The following SNRNP40 variants were observed in gnomAD, a reference collection of about 807,000 sequenced individuals.
SNRNP40 encodes the protein U5 small nuclear ribonucleoprotein 40 kDa protein.
A neutral mutation model predicts 45.8 loss-of-function variants in SNRNP40; 21 were observed. The ratio of observed to expected loss-of-function variants is 0.46; its 90% CI spans 0.32 to 0.66. SNRNP40 has a LOEUF of 0.66. SNRNP40 is among the 30% of genes least tolerant of loss of function. The pLI is 0.03. For synonymous variants in SNRNP40, 142 were observed against 163.8 expected, an observed-to-expected ratio of 0.87 and a Z score of 1.01; for missense variants, 344 against 439.1, an observed-to-expected ratio of 0.78 and a Z score of 1.94.
chr1:31,268,502 C>T (rs1645914944), intron 7 of SNRNP40, among the ~76,000 whole-genome samples: 3 of 152,070 alleles, frequency 2.0e-5, no homozygotes, highest in Admixed American at 2.0e-4. Context: ...TGGTCTCTAA[C>T]TCCTGGCCTC....
chr1:31,273,234 A>AG (rs1226297160), intron 5 of SNRNP40, among the ~76,000 whole-genome samples: 2 of 152,212 alleles, frequency 1.3e-5, no homozygotes, highest in African/African-American at 4.8e-5. Flanking sequence ...TGTAACAACT[A>AG]GGAGAGAATG....
At chr1:31,296,546 A>G in intron 1 of SNRNP40, 65 bp downstream of exon 1, 1 of 1,534,118 alleles carries the variant, frequency 6.5e-7, no homozygotes, top group Non-Finnish European at 8.8e-7. Flanking sequence ...AGGGATCACC[A>G]GATACAGCGC....
At chr1:31,276,344 C>T (rs1390974998) in intron 5 of SNRNP40, among the ~76,000 whole-genome samples, 2 of 152,180 alleles carry the variant, frequency 1.3e-5, no homozygotes, top group Non-Finnish European at 2.9e-5. Flanking sequence ...CACCACATTG[C>T]AGCCTGGGCA....
chr1:31,296,526 G>A (rs1457645072), intron 1 of SNRNP40, 85 bp downstream of exon 1: 2 of 1,479,034 alleles, frequency 1.4e-6, no homozygotes, highest in Admixed American at 4.6e-5. Flanking sequence ...CCGCAATGCG[G>A]GAAAGGGTCA....
chr1:31,281,724 C>G (rs1646017808), intron 4 of SNRNP40: 1 of 356,906 alleles, frequency 2.8e-6, no homozygotes, highest in African/African-American at 2.0e-5. Context: ...TATTTTCAGA[C>G]TTCTTTGTTG....
chr1:31,276,959 G>A (rs988121028), intron 5 of SNRNP40, among the ~76,000 whole-genome samples: 3 of 151,986 alleles, frequency 2.0e-5, no homozygotes, highest in Admixed American at 6.6e-5. Context: ...ACTTGAGTCC[G>A]GGAGGTGGAG....
chr1:31,276,123 G>C (rs1385855819), intron 5 of SNRNP40, among the ~76,000 whole-genome samples: 1 of 152,190 alleles, frequency 6.6e-6, no homozygotes, highest in African/African-American at 2.4e-5. Context: ...TCCCTGCCAC[G>C]GTGCTAGGAA....
At chr1:31,261,822 G>A (rs1263828552) in intron 8 of SNRNP40, 190 bp from the exon 9 acceptor site, 2 of 447,338 alleles carry the variant, frequency 4.5e-6, no homozygotes, top group Admixed American at 4.0e-5. Flanking sequence ...GAGCAATGGG[G>A]TGGAGAAATA....
intron 8 of SNRNP40, among the ~76,000 whole-genome samples, chr1:31,262,585 T>C (rs184594679): frequency 6.7e-6 from 1 of 149,262 alleles, no homozygotes; most frequent in Admixed American, 6.7e-5. Context: ...CTCCTTATTT[T>C]AGAGATAAGA....
intron 4 of SNRNP40, among the ~76,000 whole-genome samples, chr1:31,282,652 G>C (rs1228402167): frequency 3.3e-5 from 5 of 150,112 alleles, no homozygotes; most frequent in African/African-American, 7.4e-5. Flanking sequence ...ATGTATCTAT[G>C]TGTCTATCTA....
Position 31,291,896 on chromosome 1 carries a change from T to C in SNRNP40, c.365+17A>G. The C allele has an allele frequency of 6.5e-7, 1 of 1,530,630 alleles. No individual in the cohort carries two copies. 94.8% of individuals were successfully genotyped at this position (1,530,630 alleles called of 1,614,324 possible). On this transcript the variant is annotated intron_variant, in intron 3 of 9. Coordinates refer to ENST00000263694, the MANE Select transcript of SNRNP40 (RefSeq NM_004814.3). ...ATTAGTATGAGAAGCTGTCCTTCCA[T>C]TATGCAGAATACTCACCTGCCATCT...
intron 5 of SNRNP40, among the ~76,000 whole-genome samples, chr1:31,272,266 T>C (rs976208446): frequency 2.0e-5 from 3 of 152,216 alleles, no homozygotes; most frequent in African/African-American, 7.2e-5. Flanking sequence ...TGTATATATA[T>C]GTACATGTAT....
intron 5 of SNRNP40, among the ~76,000 whole-genome samples, chr1:31,277,853 C>A (rs1316630737): frequency 6.6e-6 from 1 of 152,152 alleles, no homozygotes; most frequent in East Asian, 1.9e-4. Context: ...TGCCACCATG[C>A]CTGGTTAATT....
At position 31,296,738 on chromosome 1, in the gene SNRNP40, T is replaced by G. The variant is rs1245918869; in HGVS notation, c.14A>C (p.Gln5Pro). ...CGGCAACTCTGGGCCCTTACGCTTC[T>G]GCTGTTCTATCATGGCGGCAACCGG... Reference protein sequence around the residue: MIEQQKRKGPELPLV... With the variant: MIEQPKRKGPELPLV... The change falls in exon 1 of 10, where the codon CAG becomes CCG. Residue 5 changes from glutamine to proline, a missense_variant. By Grantham distance (76) the Gln-to-Pro change is moderately conservative (BLOSUM62 -1). Transcript: ENST00000263694. 8.1e-6 allele frequency: 13 copies of G among 1,608,218 alleles called. No homozygotes were observed. The East Asian group carries it at 1.8e-4, about 22-fold the overall frequency.
intron 8 of SNRNP40, among the ~76,000 whole-genome samples, chr1:31,264,615 G>A (rs1645883655): frequency 6.6e-6 from 1 of 152,194 alleles, no homozygotes; most frequent in African/African-American, 2.4e-5. Flanking sequence ...CTGGCACACA[G>A]AATTAATTAT....
At chr1:31,281,565 C>G in intron 4 of SNRNP40, 69 bp from the exon 5 acceptor site, 1 of 1,417,132 alleles carries the variant, frequency 7.1e-7, no homozygotes, top group Non-Finnish European at 9.6e-7. Flanking sequence ...TACAAATATC[C>G]CTTAAGTACG....
chr1:31,277,389 C>A (rs184744308), intron 5 of SNRNP40, among the ~76,000 whole-genome samples: 117 of 152,274 alleles, frequency 7.7e-4, no homozygotes, highest in African/African-American at 2.7e-3. Context: ...CAAAGTATCA[C>A]TTTTATTACT....
chr1:31,264,814 A>T (rs765475903), intron 8 of SNRNP40, among the ~76,000 whole-genome samples: 3 of 152,156 alleles, frequency 2.0e-5, no homozygotes, highest in Non-Finnish European at 2.9e-5. Context: ...AAGTTTGCCA[A>T]ATCCAGGCCA....
chr1:31,295,356 A>AAG (rs1553167628), intron 1 of SNRNP40, among the ~76,000 whole-genome samples: 1 of 151,790 alleles, frequency 6.6e-6, no homozygotes, highest in South Asian at 2.1e-4. Context: ...AAAACAAAAA[A>AAG]AGAGAGAGAG....
Sources: allele counts gnomAD v4.1 joint callset (sites outside exome capture counted in the v4.1 genomes callset), GRCh38; gene constraint gnomAD v4.1.1; transcripts MANE v1.5; gene names NCBI Gene and HGNC (gene_info 2026-07-23, HGNC 2026-07-21).